CSMD3: variants seen among roughly 807,000 people sequenced by gnomAD.
The protein encoded by CSMD3 is CUB and Sushi multiple domains 3.
In CSMD3, 177 loss-of-function variants were observed where a neutral mutation model predicts 435.2. That is an observed-to-expected ratio of 0.41 (90% CI 0.36 to 0.46). CSMD3 has a LOEUF of 0.46. CSMD3 is among the 20% of genes least tolerant of loss of function. CSMD3 has a pLI of 0.34. For missense variants in CSMD3, 4,265 were observed against 4,504.6 expected, an observed-to-expected ratio of 0.95 and a Z score of 1.52; for synonymous variants, 1,656 against 1,520.5, an observed-to-expected ratio of 1.09 and a Z score of -2.07.
intron 6 of CSMD3, among the ~76,000 whole-genome samples, chr8:112,989,677 C>T (rs1021182936): frequency 6.6e-6 from 1 of 151,928 alleles, no homozygotes; most frequent in African/African-American, 2.4e-5. Flanking sequence ...AGTCTATTTC[C>T]CACCCACTTG....
intron 10 of CSMD3, among the ~76,000 whole-genome samples, chr8:112,885,037 T>C (rs751459035): frequency 6.6e-6 from 1 of 151,744 alleles, no homozygotes; most frequent in African/African-American, 2.4e-5. Context: ...TCTCATTTTG[T>C]TTATCTCTAA....
intron 11 of CSMD3, among the ~76,000 whole-genome samples, chr8:112,856,809 T>C (rs2080673261): frequency 6.6e-6 from 1 of 151,896 alleles, no homozygotes; most frequent in African/African-American, 2.4e-5. Flanking sequence ...GAGGTATTAA[T>C]CACCTTGGTT....
chr8:112,709,815 G>T (rs891358842), intron 13 of CSMD3, among the ~76,000 whole-genome samples: 3 of 152,012 alleles, frequency 2.0e-5, no homozygotes, highest in African/African-American at 7.2e-5. Context: ...TTAGGGTTAG[G>T]GTTAGTGTTA....
At chr8:112,498,170 C>G (rs528530672) in intron 30 of CSMD3, among the ~76,000 whole-genome samples, 3 of 151,884 alleles carry the variant, frequency 2.0e-5, no homozygotes, top group African/African-American at 7.3e-5. Flanking sequence ...CAATTTTTTG[C>G]TTTGTAAAAT....
At chr8:112,699,456 G>A (rs55982252) in intron 13 of CSMD3, among the ~76,000 whole-genome samples, 6,807 of 152,202 alleles carry the variant, frequency 0.045, 198 homozygotes, top group African/African-American at 0.08. Context: ...AATAAATACA[G>A]AATAAGTGGG....
chr8:113,019,010 G>T, intron 6 of CSMD3, 57 bp downstream of exon 6: 1 of 1,101,670 alleles, frequency 9.1e-7, no homozygotes, highest in Non-Finnish European at 1.4e-6. Flanking sequence ...AAACATAGTT[G>T]TGTACACCAA....
rs947219372 is a variant in CSMD3, at chr8:113,303,115, C to A, written c.401+11456G>T. ...AATCACAAGCATTCTTATACAACAA[C>A]AACAGACAAACAGAGAGCCAAATCA... On this transcript the variant is annotated intron_variant, in intron 2 of 70. Transcript: ENST00000297405. Among the ~76,000 whole-genome samples the A allele has an allele frequency of 3.4e-4, 49 of 145,132 alleles. 1 individual carries two copies. Among genetic ancestry groups the A allele is most frequent in the Middle Eastern group, 6.9e-3 (2 of 290 alleles).
intron 13 of CSMD3, among the ~76,000 whole-genome samples, chr8:112,783,032 C>A (rs1380880654): frequency 6.6e-6 from 1 of 151,890 alleles, no homozygotes; most frequent in Non-Finnish European, 1.5e-5. Flanking sequence ...AGTAAGTACA[C>A]AGATAAAAAA....
chr8:113,006,567 C>G (rs2131099575), intron 6 of CSMD3, among the ~76,000 whole-genome samples: 1 of 151,990 alleles, frequency 6.6e-6, no homozygotes, highest in East Asian at 1.9e-4. Context: ...TAAGCAAACT[C>G]ATACAGAAAT....
At chr8:113,431,995 T>C (rs951755186) in intron 1 of CSMD3, among the ~76,000 whole-genome samples, 1 of 152,188 alleles carries the variant, frequency 6.6e-6, no homozygotes, top group African/African-American at 2.4e-5. Context: ...CCTTTGCTCC[T>C]GGAGTACTTA....
intron 22 of CSMD3, among the ~76,000 whole-genome samples, chr8:112,627,997 C>G (rs1378996243): frequency 6.6e-6 from 1 of 152,104 alleles, no homozygotes; most frequent in African/African-American, 2.4e-5. Flanking sequence ...ATATTTATCT[C>G]CTAATGAGCT....
At chr8:113,339,951 C>G (rs1458310742) in intron 1 of CSMD3, among the ~76,000 whole-genome samples, 1 of 151,926 alleles carries the variant, frequency 6.6e-6, no homozygotes, top group African/African-American at 2.4e-5. Context: ...AGTGCCTGTA[C>G]TTATAATTAT....
At chr8:112,466,002 CT>C (rs1195664994) in intron 32 of CSMD3, among the ~76,000 whole-genome samples, 1 of 149,182 alleles carries the variant, frequency 6.7e-6, no homozygotes, top group African/African-American at 2.5e-5. Flanking sequence ...GTTCCCTGTT[CT>C]TTTCGATTGC....
intron 13 of CSMD3, among the ~76,000 whole-genome samples, chr8:112,735,263 T>C (rs986197410): frequency 2.6e-5 from 4 of 151,974 alleles, no homozygotes; most frequent in Admixed American, 6.6e-5. Flanking sequence ...CATACAAACA[T>C]TGAAAACTCT....
chr8:112,271,928 T>G (rs1817563959), intron 59 of CSMD3, among the ~76,000 whole-genome samples: 1 of 152,194 alleles, frequency 6.6e-6, no homozygotes, highest in Non-Finnish European at 1.5e-5. Context: ...AGTTATTAAG[T>G]CATGAGGGCC....
At chr8:112,694,717 T>A (rs971913551) in intron 13 of CSMD3, among the ~76,000 whole-genome samples, 4 of 152,134 alleles carry the variant, frequency 2.6e-5, no homozygotes, top group Admixed American at 6.6e-5. Context: ...CTAAATCTCA[T>A]AAATTGAGAT....
intron 16 of CSMD3, among the ~76,000 whole-genome samples, chr8:112,673,216 T>C (rs2075697465): frequency 6.6e-6 from 1 of 151,310 alleles, no homozygotes; most frequent in South Asian, 2.1e-4. Flanking sequence ...TGGTAAGTAA[T>C]CACCAGGTCT....
At chr8:112,502,569 G>C (rs1169459190) in intron 30 of CSMD3, among the ~76,000 whole-genome samples, 1 of 152,172 alleles carries the variant, frequency 6.6e-6, no homozygotes, top group Non-Finnish European at 1.5e-5. Flanking sequence ...CCCATATCAT[G>C]TGTTGTGAAA....
At chr8:112,452,451 A>T (rs1015782302) in intron 32 of CSMD3, among the ~76,000 whole-genome samples, 1 of 152,008 alleles carries the variant, frequency 6.6e-6, no homozygotes, top group African/African-American at 2.4e-5. Context: ...TTTAGAGTAG[A>T]CAAAAATGAA....
Sources: gnomAD v4.1 joint callset for allele counts (sites outside exome capture counted in the v4.1 genomes callset) on GRCh38, gnomAD v4.1.1 for gene constraint, MANE v1.5 for transcripts, NCBI Gene and HGNC (gene_info 2026-07-23, HGNC 2026-07-21) for gene names.